Variants in SLC2A1 observed in about 807,000 individuals in gnomAD.
SLC2A1 encodes the protein solute carrier family 2, facilitated glucose transporter member 1.
SLC2A1 carries 4 observed loss-of-function variants against 46.6 expected under a neutral mutation model. That is an observed-to-expected ratio of 0.09 (90% CI 0.04 to 0.20). The LOEUF (loss-of-function observed/expected upper bound fraction) is 0.20. Ranked by LOEUF, SLC2A1 falls within the 10% of genes least tolerant of loss-of-function variation. The probability of loss-of-function intolerance (pLI) is 1.00; values close to 1 mark genes in which losing one functional copy is unlikely to be tolerated. For synonymous variants in SLC2A1, 253 were observed against 270.0 expected (o/e 0.94, Z 0.62); for missense variants, 352 against 667.0 (o/e 0.53, Z 5.20).
intron 1 of SLC2A1, among the ~76,000 whole-genome samples, chr1:42,944,789 G>A (rs770185996): frequency 6.6e-6 from 1 of 152,168 alleles, no homozygotes; most frequent in Non-Finnish European, 1.5e-5. Context: ...CCCTTAGCCT[G>A]CCTCTGGACA....
Position 42,927,017 on chromosome 1 carries a change from G to T in SLC2A1, c.*24C>A. On this transcript the variant is annotated 3_prime_UTR_variant, in exon 10 of 10. Transcript: ENST00000426263. The surrounding 1 kb of genome is among the most constrained non-coding windows in gnomAD (Gnocchi z 5.3). ...AGATCCTTAGGGCTGCTGGGAGCAG[G>T]CCGGGCTGGTGATCTGGGGCGACTC... The T allele has an allele frequency of 1.2e-6, 2 of 1,611,718 alleles. No homozygotes were observed. The highest frequency in any genetic ancestry group is 1.7e-6 in the Non-Finnish European group (2 of 1,178,232).
Position 42,930,434 on chromosome 1 carries a change from G to A in SLC2A1, c.516+192C>T. Reference sequence around the variant, plus strand: ...AGAGTGAGAAGAAAGGGACTGAGAAGAGTCAAGTCATCTTGCTGTCAACTG... The same window carrying A: ...AGAGTGAGAAGAAAGGGACTGAGAAAAGTCAAGTCATCTTGCTGTCAACTG... On this transcript the variant is annotated intron_variant, in intron 4 of 9. Coordinates refer to ENST00000426263, the MANE Select transcript of SLC2A1 (RefSeq NM_006516.4). The surrounding 1 kb of genome is among the most constrained non-coding windows in gnomAD (Gnocchi z 6.2). The A allele has an allele frequency of 2.5e-6, 2 of 795,474 alleles. No individual in the cohort carries two copies. Among genetic ancestry groups the A allele is most frequent in the Non-Finnish European group, 4.4e-6 (2 of 458,506 alleles). The allele number at this position is 795,474 out of a possible 1,614,324, so 49.3% of individuals were successfully genotyped here. A position where few individuals can be genotyped will look rare whatever the true frequency, so the allele number is the denominator to read the frequency against.
rs1570590703 is a variant in SLC2A1, at chr1:42,927,469, T to C, written c.1278+136A>G. ...AACCCTGGAGTTGAGGTCAGCATTCTTGGTCATGTGACCTGGGCTTCCTAC... is the reference window on the plus strand; with the variant it reads ...AACCCTGGAGTTGAGGTCAGCATTCCTGGTCATGTGACCTGGGCTTCCTAC... On this transcript the variant is annotated intron_variant, in intron 9 of 9. Coordinates refer to ENST00000426263, the MANE Select transcript of SLC2A1 (RefSeq NM_006516.4). The surrounding 1 kb of genome is among the most constrained non-coding windows in gnomAD (Gnocchi z 5.3). 1 of 923,880 alleles carries C rather than the reference T, an allele frequency of 1.1e-6. No individual in the cohort carries two copies. The highest frequency in any genetic ancestry group is 1.7e-6 in the Non-Finnish European group (1 of 578,630). The allele number at this position is 923,880 out of a possible 1,614,324, so 57.2% of individuals were successfully genotyped here. A position where few individuals can be genotyped will look rare whatever the true frequency, so the allele number is the denominator to read the frequency against.
chr1:42,957,070 T>C (rs1643784144), intron 1 of SLC2A1, among the ~76,000 whole-genome samples: 1 of 152,212 alleles, frequency 6.6e-6, no homozygotes. Context: ...ATGTCTGGCA[T>C]AGTATGCTGA....
intron 2 of SLC2A1, among the ~76,000 whole-genome samples, chr1:42,937,035 C>A (rs1353778355): frequency 6.6e-6 from 1 of 152,184 alleles, no homozygotes; most frequent in Non-Finnish European, 1.5e-5. Flanking sequence ...TCCTCCAATG[C>A]ATGGGACAGG....
chr1:42,926,881 T>G lies in SLC2A1; in HGVS notation c.*160A>C. 6.7e-7 allele frequency: 1 copy of G among 1,485,190 alleles called. No individual in the cohort carries two copies. Among genetic ancestry groups the G allele is most frequent in the Non-Finnish European group, 8.9e-7 (1 of 1,124,046 alleles). The allele number at this position is 1,485,190 out of a possible 1,614,324, so 92.0% of individuals were successfully genotyped here. On this transcript the variant is annotated 3_prime_UTR_variant, in exon 10 of 10. Coordinates refer to ENST00000426263, the MANE Select transcript of SLC2A1 (RefSeq NM_006516.4). The stretch of plus-strand genomic sequence containing the variant: ...TTGTTAAAATCCTGGAGCCGTTAAG[T>G]CCTGAATATTCTTCTGGACATCATT...
intron 1 of SLC2A1, among the ~76,000 whole-genome samples, chr1:42,944,380 C>A (rs572915963): frequency 6.6e-6 from 1 of 152,106 alleles, no homozygotes; most frequent in East Asian, 1.9e-4. Flanking sequence ...ATTAGGCAGG[C>A]CTTTAACTGA....
intron 2 of SLC2A1, among the ~76,000 whole-genome samples, chr1:42,938,599 G>C (rs975579208): frequency 2.0e-5 from 3 of 152,222 alleles, no homozygotes; most frequent in Non-Finnish European, 4.4e-5. Context: ...CTCAAGAGTA[G>C]GCAAACTGTG....
intron 8 of SLC2A1, among the ~76,000 whole-genome samples, chr1:42,928,284 C>T (rs1227289168): frequency 6.6e-6 from 1 of 152,228 alleles, no homozygotes; most frequent in African/African-American, 2.4e-5. Flanking sequence ...CCTGTCTGGC[C>T]TTTCGGCAAC....
chr1:42,944,687 G>A (rs1643632661), intron 1 of SLC2A1, among the ~76,000 whole-genome samples: 1 of 152,220 alleles, frequency 6.6e-6, no homozygotes, highest in South Asian at 2.1e-4. Flanking sequence ...TGCGAAAGAG[G>A]AAGAAGGCTT....
In SLC2A1 at chr1:42,929,188, G is replaced by C. The variant is rs200807472; in HGVS notation, c.972+22C>G. 1.1e-5 allele frequency: 17 copies of C among 1,604,390 alleles called. No homozygotes were observed. The highest frequency in any genetic ancestry group is 3.3e-5 in the Admixed American group (2 of 59,970). On this transcript the variant is annotated intron_variant, in intron 7 of 9. Coordinates refer to ENST00000426263, the MANE Select transcript of SLC2A1 (RefSeq NM_006516.4). The surrounding 1 kb of genome is among the most constrained non-coding windows in gnomAD (Gnocchi z 6.0). ...CCTCCTCCCTGGGGTTTGGCTGGGG[G>C]GGCCAGTAAGCAAAGACTCACCGAC...
chr1:42,934,832 G>A (rs968276355), intron 2 of SLC2A1, among the ~76,000 whole-genome samples: 1 of 152,106 alleles, frequency 6.6e-6, no homozygotes, highest in Non-Finnish European at 1.5e-5. Flanking sequence ...TCCATCACCA[G>A]GTCCTCTCGA....
intron 2 of SLC2A1, among the ~76,000 whole-genome samples, chr1:42,935,726 G>A (rs1264132986): frequency 6.6e-6 from 1 of 152,206 alleles, no homozygotes; most frequent in Non-Finnish European, 1.5e-5. Flanking sequence ...GAGGGCAGAG[G>A]TGCCAGGGCC....
chr1:42,944,597 T>C (rs895761492), intron 1 of SLC2A1, among the ~76,000 whole-genome samples: 1 of 146,802 alleles, frequency 6.8e-6, no homozygotes, highest in African/African-American at 2.7e-5. Flanking sequence ...ACCAGGCATA[T>C]TCCCAGTATG....
At chr1:42,935,320 T>G (rs555440316) in intron 2 of SLC2A1, among the ~76,000 whole-genome samples, 2 of 152,056 alleles carry the variant, frequency 1.3e-5, no homozygotes, top group African/African-American at 4.8e-5. Flanking sequence ...TCTCCTGGGG[T>G]GAGGGGGAGG....
intron 1 of SLC2A1, among the ~76,000 whole-genome samples, chr1:42,949,675 G>T (rs710220): frequency 0.3 from 45,009 of 152,054 alleles, 7,230 homozygotes; most frequent in African/African-American, 0.41. Flanking sequence ...GGTGCATTTA[G>T]CAGCAGCAGC....
At chr1:42,946,241 A>C (rs956320099) in intron 1 of SLC2A1, among the ~76,000 whole-genome samples, 1 of 152,304 alleles carries the variant, frequency 6.6e-6, no homozygotes, top group African/African-American at 2.4e-5. Context: ...GTCGAGGTCA[A>C]ACTCGACTTT....
intron 1 of SLC2A1, 129 bp downstream of exon 1, chr1:42,958,505 C>A (rs908867637): frequency 4.3e-5 from 27 of 627,042 alleles, no homozygotes; most frequent in African/African-American, 4.3e-4. Context: ...GAGCCAGGCT[C>A]GGAGAGGCGC....
intron 2 of SLC2A1, chr1:42,942,919 C>CT: frequency 2.3e-6 from 1 of 439,488 alleles, no homozygotes; most frequent in Non-Finnish European, 4.2e-6. Flanking sequence ...TTGAGCTTTG[C>CT]TTTGAGTTTA....
Sources: allele counts gnomAD v4.1 joint callset (sites outside exome capture counted in the v4.1 genomes callset), GRCh38; gene constraint gnomAD v4.1.1; non-coding constraint Gnocchi (gnomAD v3.1); transcripts MANE v1.5; gene names NCBI Gene and HGNC (gene_info 2026-07-23, HGNC 2026-07-21).